ZMYND11: variants seen among roughly 807,000 people sequenced by gnomAD.
ZMYND11 encodes the protein zinc finger MYND-type containing 11, also known as zinc finger MYND domain-containing protein 11.
ZMYND11 carries 9 observed loss-of-function variants against 84.9 expected under a neutral mutation model. That is an observed-to-expected ratio of 0.11 (90% CI 0.06 to 0.18). The LOEUF (loss-of-function observed/expected upper bound fraction) is 0.18, where lower values mean the gene tolerates loss of function less well. Among genes scored for constraint, ZMYND11 ranks in the 10% least tolerant of loss-of-function variants. The pLI, the probability that ZMYND11 is intolerant of heterozygous loss-of-function variation, is 1.00. For missense variants in ZMYND11, 409 were observed against 761.0 expected, an observed-to-expected ratio of 0.54 and a Z score of 5.44; for synonymous variants, 250 against 244.1, an observed-to-expected ratio of 1.02 and a Z score of -0.23.
upstream of ZMYND11, among the ~76,000 whole-genome samples, chr10:131,441 AGCTC>A (rs1835310714): frequency 1.3e-5 from 2 of 152,214 alleles, no homozygotes; most frequent in Non-Finnish European, 2.9e-5. Flanking sequence ...AAGCACTGTC[AGCTC>A]AGCTCCTCGG....
chr10:209,743 TTCG>T (rs1487006001), intron 2 of ZMYND11, 143 bp from the exon 3 acceptor site: 1 of 630,010 alleles, frequency 1.6e-6, no homozygotes, highest in African/African-American at 2.6e-5. Context: ...GTTTATCGTG[TTCG>T]TTCTTTATCT....
rs1297627464 is a variant in ZMYND11 at position 252,271 on chromosome 10, C to T, written c.1687-77C>T. 2.4e-5 allele frequency: 37 copies of T among 1,552,578 alleles called. 1 individual carries two copies. The East Asian group carries it at 7.3e-4, about 31-fold the overall frequency. ...GAAAGATCTTTTAAAAGCACCACCT[C>T]AAGAGTTTGCCATTTTAACCAGTCG... On this transcript the variant is annotated intron_variant, in intron 14 of 14. Transcript: ENST00000381604. This position sits in a 1 kb window ranked among gnomAD's most constrained non-coding sequence, Gnocchi z 4.6.
chr10:209,054 G>C (rs991728773), intron 2 of ZMYND11, among the ~76,000 whole-genome samples: 1 of 151,398 alleles, frequency 6.6e-6, no homozygotes, highest in South Asian at 2.1e-4. Context: ...TATATATAGA[G>C]AGAGAGAGAG....
At chr10:155,493 G>C (rs782753253) in intron 1 of ZMYND11, among the ~76,000 whole-genome samples, 4 of 151,986 alleles carry the variant, frequency 2.6e-5, no homozygotes, top group African/African-American at 9.7e-5. Flanking sequence ...TACCAAAACA[G>C]CAACAACAAT....
intron 4 of ZMYND11, among the ~76,000 whole-genome samples, chr10:224,969 T>G (rs1313593157): frequency 6.6e-6 from 1 of 152,236 alleles, no homozygotes; most frequent in Non-Finnish European, 1.5e-5. Context: ...TTTATTTGAA[T>G]TTTATTTTCC....
At chr10:200,164 G>A (rs1203557179) in intron 2 of ZMYND11, among the ~76,000 whole-genome samples, 1 of 147,314 alleles carries the variant, frequency 6.8e-6, no homozygotes, top group Non-Finnish European at 1.5e-5. Flanking sequence ...TCAAGTTAGG[G>A]TTAGCTGAGA....
intron 4 of ZMYND11, among the ~76,000 whole-genome samples, chr10:235,261 C>T (rs1237043259): frequency 2.0e-5 from 3 of 152,106 alleles, no homozygotes. Context: ...CTCAACAGTG[C>T]CTGTGGCCAA....
chr10:183,131 A>G (rs559550791), intron 2 of ZMYND11, among the ~76,000 whole-genome samples: 2 of 151,900 alleles, frequency 1.3e-5, no homozygotes, highest in African/African-American at 2.4e-5. Context: ...AGCCTGGTAC[A>G]CCCTAAACAC....
intron 2 of ZMYND11, among the ~76,000 whole-genome samples, chr10:203,020 A>G (rs1218540658): frequency 1.3e-5 from 2 of 152,206 alleles, no homozygotes; most frequent in African/African-American, 4.8e-5. Flanking sequence ...AATAAAAGTT[A>G]TGCATCAAAA....
At chr10:242,900 T>C (rs1264019022) in intron 10 of ZMYND11, among the ~76,000 whole-genome samples, 1 of 152,194 alleles carries the variant, frequency 6.6e-6, no homozygotes, top group Non-Finnish European at 1.5e-5. Flanking sequence ...TGTTCTTTCA[T>C]AGGTAGATAC....
chr10:233,365 C>G (rs572552332), intron 4 of ZMYND11, among the ~76,000 whole-genome samples: 5 of 152,300 alleles, frequency 3.3e-5, no homozygotes, highest in African/African-American at 1.2e-4. Flanking sequence ...CCCACTCCCA[C>G]GCCCTCTCCC....
intron 1 of ZMYND11, among the ~76,000 whole-genome samples, chr10:178,754 GT>G (rs1308423445): frequency 2.6e-5 from 4 of 152,140 alleles, no homozygotes; most frequent in Non-Finnish European, 5.9e-5. Context: ...CTTTAAACAT[GT>G]TCAAAATGTA....
At chr10:167,520 G>C (rs1454677958) in intron 1 of ZMYND11, among the ~76,000 whole-genome samples, 1 of 152,104 alleles carries the variant, frequency 6.6e-6, no homozygotes, top group Non-Finnish European at 1.5e-5. Flanking sequence ...ATAATGACCT[G>C]TTTTGCTATC....
At chr10:241,406 G>GAGTT in intron 9 of ZMYND11, among the ~76,000 whole-genome samples, 1 of 152,264 alleles carries the variant, frequency 6.6e-6, no homozygotes, top group African/African-American at 2.4e-5. Flanking sequence ...TCAAACTCCT[G>GAGTT]AGTTCAAGCA....
In ZMYND11 at chr10:248,986, T is replaced by G; in HGVS notation, c.1584T>G (p.Cys528Trp). The change falls in exon 14 of 15, where the codon TGT becomes TGG. Residue 528 changes from cysteine to tryptophan, a missense_variant. This residue lies in a region of ZMYND11 where 141 missense variants were observed against 173.8 expected (regional missense o/e 0.81). Transcript: ENST00000381604. ...ANMQGEMDRK[C>W]KQVKEKCKEE... ...TGCAGGGTGAGATGGACAGAAAATGTAAGCAAGTAAAGGAAAAGTGTAAGG... is the reference window on the plus strand; with the variant it reads ...TGCAGGGTGAGATGGACAGAAAATGGAAGCAAGTAAAGGAAAAGTGTAAGG... The G allele has an allele frequency of 6.2e-7, 1 of 1,614,164 alleles. No homozygotes were observed. The highest frequency in any genetic ancestry group is 8.5e-7 in the Non-Finnish European group (1 of 1,180,014).
At chr10:239,224 G>A (rs541534193) in intron 6 of ZMYND11, among the ~76,000 whole-genome samples, 517 of 152,268 alleles carry the variant, frequency 3.4e-3, no homozygotes, top group Middle Eastern at 0.031. Flanking sequence ...TTGTGGCTGC[G>A]GGATATCTGA....
At chr10:183,537 C>T (rs1232034540) in intron 2 of ZMYND11, among the ~76,000 whole-genome samples, 1 of 152,178 alleles carries the variant, frequency 6.6e-6, no homozygotes, top group African/African-American at 2.4e-5. Flanking sequence ...ATCTATCTTT[C>T]CTTTTCTAAC....
At chr10:236,102 A>G (rs1949912616) in intron 4 of ZMYND11, among the ~76,000 whole-genome samples, 3 of 152,248 alleles carry the variant, frequency 2.0e-5, no homozygotes, top group Admixed American at 6.5e-5. Context: ...TTTCCTCTGC[A>G]GTATGAACTG....
intron 4 of ZMYND11, among the ~76,000 whole-genome samples, chr10:228,556 A>C (rs1050486411): frequency 6.6e-6 from 1 of 152,222 alleles, no homozygotes; most frequent in African/African-American, 2.4e-5. Flanking sequence ...GGGAGTGGGA[A>C]GGTAGGTAGT....
Sources: allele counts gnomAD v4.1 joint callset (sites outside exome capture counted in the v4.1 genomes callset), GRCh38; gene constraint gnomAD v4.1.1; regional missense constraint gnomAD v4.1.1; non-coding constraint Gnocchi (gnomAD v3.1); transcripts MANE v1.5; gene names NCBI Gene and HGNC (gene_info 2026-07-23, HGNC 2026-07-21).